The following PITHD1 variants were observed in gnomAD, a reference collection of about 807,000 sequenced individuals.
The protein encoded by PITHD1 is PITH domain-containing protein 1.
A neutral mutation model predicts 27.5 loss-of-function variants in PITHD1; 8 were observed. The observed-to-expected ratio is 0.29, with a 90% CI of 0.17 to 0.52. The LOEUF is 0.52. Among genes scored for constraint, PITHD1 ranks in the 20% least tolerant of loss-of-function variants. The pLI, the probability that PITHD1 is intolerant of heterozygous loss-of-function variation, is 0.96. For synonymous variants in PITHD1, 118 were observed against 106.8 expected (o/e 1.10, Z -0.64); for missense variants, 233 against 283.9 (o/e 0.82, Z 1.29).
At chr1:23,783,339 G>A (rs1026690352) in intron 3 of PITHD1, among the ~76,000 whole-genome samples, 7 of 148,154 alleles carry the variant, frequency 4.7e-5, no homozygotes, top group African/African-American at 1.5e-4. Flanking sequence ...ACATATATGT[G>A]TATATATACA....
intron 3 of PITHD1, among the ~76,000 whole-genome samples, chr1:23,783,082 C>T (rs1370501524): frequency 7.3e-5 from 11 of 151,672 alleles, no homozygotes; most frequent in South Asian, 2.1e-4. Flanking sequence ...CTGCAAGCTC[C>T]GCCTCCTGGG....
intron 5 of PITHD1, 139 bp from the exon 6 acceptor site, chr1:23,787,136 A>G (rs1638697301): frequency 1.9e-6 from 1 of 534,584 alleles, no homozygotes; most frequent in East Asian, 3.1e-5. Flanking sequence ...TTAGATGATG[A>G]CATCTAAGTA....
intron 3 of PITHD1, among the ~76,000 whole-genome samples, chr1:23,782,144 C>T (rs925656447): frequency 6.6e-6 from 1 of 152,154 alleles, no homozygotes; most frequent in East Asian, 1.9e-4. Context: ...TTCAGCCAGG[C>T]GCAGTGGCTT....
intron 5 of PITHD1, among the ~76,000 whole-genome samples, chr1:23,787,010 A>G (rs1014291861): frequency 2.6e-5 from 4 of 152,208 alleles, no homozygotes; most frequent in African/African-American, 9.6e-5. Flanking sequence ...ACAAGTTCCT[A>G]TTCTCATGGT....
chr1:23,786,713 C>A (rs1300550233), intron 5 of PITHD1, among the ~76,000 whole-genome samples: 1 of 151,328 alleles, frequency 6.6e-6, no homozygotes, highest in Non-Finnish European at 1.5e-5. Flanking sequence ...CCTCAGCCCC[C>A]CAAGTAGCTG....
Position 23,787,234 on chromosome 1 carries a change from T to G in PITHD1, c.535-41T>G, listed in dbSNP as rs750270611. 18 of 1,386,142 alleles carry G rather than the reference T, an allele frequency of 1.3e-5. No homozygotes were observed. In the South Asian group the frequency reaches 2.1e-4, roughly 16 times the overall value. The allele number at this position is 1,386,142 out of a possible 1,614,324, so 85.9% of individuals were successfully genotyped here. On this transcript the variant is annotated intron_variant, in intron 5 of 5. Transcript: ENST00000246151. ...TGTGTGTGGTGTGGGAAAGGACAGT[T>G]CTTTTAATGGCTGGCTGACCCAGCC...
rs1557465482 is a variant in PITHD1 at position 23,779,880 on chromosome 1, A to G, written c.259A>G (p.Lys87Glu). The change falls in exon 3 of 6, where the codon AAG becomes GAG. Residue 87 changes from lysine (K) to glutamate (E), a missense_variant. Coordinates refer to ENST00000246151, the MANE Select transcript of PITHD1 (RefSeq NM_020362.5). Reference protein sequence around the residue: ...LFNIPFTGNVKLKGIIIMGED... With the variant: ...LFNIPFTGNVELKGIIIMGED... ...TTCTGGCAGATTTACGGGCAATGTC[A>G]AGCTCAAAGGCATCATTATAATGGG... is the stretch of plus-strand genomic sequence containing the variant. 1.2e-6 allele frequency: 2 copies of G among 1,613,438 alleles called. No individual in the cohort carries two copies. The highest frequency in any genetic ancestry group is 1.7e-6 in the Non-Finnish European group (2 of 1,179,368).
At position 23,778,653 on chromosome 1, in the gene PITHD1, C is replaced by T; in HGVS notation, c.138C>T (p.Ser46=). ...AGCGGCTGCAATGCCTTAACGAGAG[C>T]CGCGAGGGCAGCGGCCGCGGCGTCT... The part of the protein sequence containing the change: ...DLERLQCLNE[S]REGSGRGVFK... Residue 46 remains serine (S), a synonymous_variant, in exon 1 of 6, where the codon AGC becomes AGT. Transcript: ENST00000246151. 7.5e-7 allele frequency: 1 copy of T among 1,326,840 alleles called. No individual in the cohort carries two copies. The highest frequency in any genetic ancestry group is 9.6e-7 in the Non-Finnish European group (1 of 1,039,054). The allele number at this position is 1,326,840 out of a possible 1,614,324, so 82.2% of individuals were successfully genotyped here. A position where few individuals can be genotyped will look rare whatever the true frequency, so the allele number is the denominator to read the frequency against.
intron 5 of PITHD1, 65 bp downstream of exon 5, chr1:23,786,488 C>G (rs1328919678): frequency 1.6e-6 from 1 of 623,402 alleles, no homozygotes; most frequent in East Asian, 2.9e-5. Flanking sequence ...GTGATGGGAG[C>G]TTCCAGGGAA....
chr1:23,780,868 C>G (rs1638586456), intron 3 of PITHD1, among the ~76,000 whole-genome samples: 1 of 151,210 alleles, frequency 6.6e-6, no homozygotes, highest in Admixed American at 6.6e-5. Flanking sequence ...GAATGAGACC[C>G]CATCTCAAAA....
intron 3 of PITHD1, among the ~76,000 whole-genome samples, chr1:23,783,337 G>A (rs181681933): frequency 4.1e-4 from 60 of 147,570 alleles, no homozygotes; most frequent in African/African-American, 1.4e-3. Context: ...ACACATATAT[G>A]TGTATATATA....
intron 3 of PITHD1, among the ~76,000 whole-genome samples, chr1:23,782,958 C>T (rs1638623997): frequency 6.6e-6 from 1 of 151,836 alleles, no homozygotes; most frequent in African/African-American, 2.4e-5. Flanking sequence ...TTGATATTGT[C>T]AATTATTGTA....
At position 23,785,771 on chromosome 1, in the gene PITHD1, T is replaced by C. The variant is rs377284633; in HGVS notation, c.417T>C (p.Tyr139=). Reference sequence around the variant, plus strand: ...GGGATCTTACAGGAGAATTAGAGTATGCTACAAAGTAAGCACTGGGCCTGT... The same window carrying C: ...GGGATCTTACAGGAGAATTAGAGTACGCTACAAAGTAAGCACTGGGCCTGT... ...LNRDLTGELE[Y]ATKISRFSNV... Residue 139 remains tyrosine, a synonymous_variant, in exon 4 of 6, where the codon TAT becomes TAC. Coordinates refer to ENST00000246151, the MANE Select transcript of PITHD1 (RefSeq NM_020362.5). 35 of 1,582,094 alleles carry C rather than the reference T, an allele frequency of 2.2e-5. No individual in the cohort carries two copies. The highest frequency in any genetic ancestry group is 6.1e-6 in the Non-Finnish European group (7 of 1,151,034).
intron 4 of PITHD1, 135 bp downstream of exon 4, chr1:23,785,914 G>C: frequency 3.3e-6 from 2 of 598,488 alleles, no homozygotes; most frequent in East Asian, 5.6e-5. Flanking sequence ...GGCTTGGTCA[G>C]TTTTTGGCAG....
chr1:23,784,624 G>T (rs1288606235), intron 3 of PITHD1, among the ~76,000 whole-genome samples: 1 of 152,164 alleles, frequency 6.6e-6, no homozygotes, highest in Non-Finnish European at 1.5e-5. Flanking sequence ...CCTGGAATTG[G>T]TGGGGACATG....
At chr1:23,785,007 G>T (rs1292571484) in intron 3 of PITHD1, among the ~76,000 whole-genome samples, 1 of 152,172 alleles carries the variant, frequency 6.6e-6, no homozygotes, top group Non-Finnish European at 1.5e-5. Context: ...TTTTTCCCAT[G>T]AGTAAGCTGT....
rs764390230 is a variant in PITHD1 at position 23,786,408 on chromosome 1, AGGAGAGTGGACTGAGG to A, written c.520_534+1del. 2 of 1,580,942 alleles carry A rather than the reference AGGAGAGTGGACTGAGG, an allele frequency of 1.3e-6. No homozygotes were observed. Among genetic ancestry groups the A allele is most frequent in the Non-Finnish European group, 8.7e-7 (1 of 1,151,692 alleles). ...CAAAGGTCTTTTATATTGGCCTGAG[AGGAGAGTGGACTGAGG>A]TAAGATGGGGTTGGAAAGGTTTTCC... On this transcript the variant is annotated splice_donor_variant and coding_sequence_variant, in exon 5 of 6. Coordinates refer to ENST00000246151, the MANE Select transcript of PITHD1 (RefSeq NM_020362.5). LOFTEE classifies it high-confidence loss of function.
At chr1:23,779,626 T>C in intron 2 of PITHD1, 145 bp downstream of exon 2, 2 of 724,190 alleles carry the variant, frequency 2.8e-6, no homozygotes, top group South Asian at 1.6e-5. Flanking sequence ...GAAAGCATCA[T>C]AGCTTTCTTG....
In PITHD1 at chr1:23,787,528, C is replaced by T. The variant is rs949828873; in HGVS notation, c.*152C>T. ...GGGCTTGCTGCAGAAACCTGGCCTA[C>T]GGAAGATACGACACCACTGGGAGGG... is the stretch of plus-strand genomic sequence containing the variant. On this transcript the variant is annotated 3_prime_UTR_variant, in exon 6 of 6. Coordinates refer to ENST00000246151, the MANE Select transcript of PITHD1 (RefSeq NM_020362.5). 9.9e-5 allele frequency: 53 copies of T among 532,880 alleles called. 2 individuals carry two copies. Among genetic ancestry groups the T allele is most frequent in the South Asian group, 6.1e-4 (26 of 42,308 alleles). The allele number at this position is 532,880 out of a possible 1,614,324, so 33.0% of individuals were successfully genotyped here. A position where few individuals can be genotyped will look rare whatever the true frequency, so the allele number is the denominator to read the frequency against.
Sources: gnomAD v4.1 joint callset for allele counts (sites outside exome capture counted in the v4.1 genomes callset) on GRCh38, gnomAD v4.1.1 for gene constraint, MANE v1.5 for transcripts, NCBI Gene and HGNC (gene_info 2026-07-23, HGNC 2026-07-21) for gene names.